SLC4A4: variants seen among roughly 807,000 people sequenced by gnomAD.
The protein encoded by SLC4A4 is solute carrier family 4 member 4, also known as electrogenic sodium bicarbonate cotransporter 1.
SLC4A4 carries 27 observed loss-of-function variants against 111.5 expected under a neutral mutation model. The observed-to-expected ratio is 0.24, with a 90% CI of 0.18 to 0.33. The LOEUF is 0.33. SLC4A4 is among the 10% of genes least tolerant of loss of function. The pLI is 1.00. For missense variants in SLC4A4, 909 were observed against 1,315.5 expected (o/e 0.69, Z 4.78); for synonymous variants, 443 against 463.4 (o/e 0.96, Z 0.57).
chr4:71,249,652 G>T (rs1720920128), intron 2 of SLC4A4, among the ~76,000 whole-genome samples: 1 of 152,122 alleles, frequency 6.6e-6, no homozygotes, highest in Non-Finnish European at 1.5e-5. Context: ...ACTTTGGGAG[G>T]CCGAAGTGAG....
intron 3 of SLC4A4, among the ~76,000 whole-genome samples, chr4:71,323,708 C>T (rs1288528978): frequency 6.6e-6 from 1 of 152,040 alleles, no homozygotes; most frequent in Non-Finnish European, 1.5e-5. Flanking sequence ...CAGGACAGCA[C>T]AATGTTCTGA....
At position 71,310,654 on chromosome 4, in the gene SLC4A4, G is replaced by A. The variant is rs139727627; in HGVS notation, c.254-28716G>A. 5.3e-3 allele frequency among the ~76,000 whole-genome samples: 813 copies of A among 152,250 alleles called. 8 individuals are homozygous for A. The highest frequency in any genetic ancestry group is 0.018 in the African/African-American group (737 of 41,532). On this transcript the variant is annotated intron_variant, in intron 3 of 25. Transcript: ENST00000264485. ...TGCTGAGGGATTTTGTCACCACCAG[G>A]CCTGCCTTACAGGAGCTCCTGAAGA...
rs1465278611 is a variant in SLC4A4, at chr4:71,567,798, A to G, written c.*47A>G. The stretch of plus-strand genomic sequence containing the variant: ...TTCCTTTTTCTCTAGTCCTCCTAGA[A>G]CTCCAGTAAAAGTTGTGCCTCAAAT... On this transcript the variant is annotated 3_prime_UTR_variant, in exon 26 of 26. Transcript: ENST00000264485. 1.3e-6 allele frequency: 2 copies of G among 1,509,916 alleles called. No homozygotes were observed. The highest frequency in any genetic ancestry group is 1.4e-5 in the African/African-American group (1 of 71,262). The allele number at this position is 1,509,916 out of a possible 1,614,324, so 93.5% of individuals were successfully genotyped here.
upstream of SLC4A4, among the ~76,000 whole-genome samples, chr4:71,182,970 C>T (rs918872758): frequency 7.2e-5 from 11 of 152,106 alleles, no homozygotes; most frequent in African/African-American, 2.7e-4. Flanking sequence ...GAGGAAGGGG[C>T]TGAAACATTG....
intron 2 of SLC4A4, among the ~76,000 whole-genome samples, chr4:71,094,947 G>A (rs1742500217): frequency 6.6e-6 from 1 of 151,974 alleles, no homozygotes. Flanking sequence ...TAATTAATTA[G>A]GTGTACTTTT....
intron 16 of SLC4A4, among the ~76,000 whole-genome samples, chr4:71,498,356 T>G (rs923961662): frequency 1.3e-5 from 2 of 152,128 alleles, no homozygotes; most frequent in Admixed American, 6.6e-5. Context: ...GGCATTTTGG[T>G]TTTTTGCCTG....
chr4:71,221,703 C>A (rs1262566835), intron 1 of SLC4A4, among the ~76,000 whole-genome samples: 3 of 152,140 alleles, frequency 2.0e-5, no homozygotes, highest in African/African-American at 4.8e-5. Flanking sequence ...GAGTCATGAA[C>A]TTTGGAGCTA....
intron 2 of SLC4A4, among the ~76,000 whole-genome samples, chr4:71,131,733 G>A (rs1743712818): frequency 6.6e-6 from 1 of 152,162 alleles, no homozygotes; most frequent in Non-Finnish European, 1.5e-5. Flanking sequence ...GGTAAAACAT[G>A]CTGGCTCTGG....
chr4:71,198,699 G>C (rs1036767381), intron 1 of SLC4A4, among the ~76,000 whole-genome samples: 1 of 152,182 alleles, frequency 6.6e-6, no homozygotes, highest in African/African-American at 2.4e-5. Flanking sequence ...GGTGCCTCAT[G>C]CCTGTAATCC....
At chr4:71,177,322 A>AT (rs1471655657) in intron 2 of SLC4A4, among the ~76,000 whole-genome samples, 1 of 152,222 alleles carries the variant, frequency 6.6e-6, no homozygotes, top group East Asian at 1.9e-4. Flanking sequence ...AAATTCATGC[A>AT]TAACAATATT....
intron 1 of SLC4A4, among the ~76,000 whole-genome samples, chr4:71,195,301 A>G (rs1333254129): frequency 1.5e-5 from 2 of 135,460 alleles, no homozygotes; most frequent in Non-Finnish European, 3.0e-5. Flanking sequence ...TCATTTAAGT[A>G]TAGCTGTTCT....
intron 1 of SLC4A4, among the ~76,000 whole-genome samples, chr4:71,066,897 G>A (rs1560701846): frequency 1.3e-5 from 2 of 152,136 alleles, no homozygotes; most frequent in Non-Finnish European, 2.9e-5. Context: ...TGCTGGGAGG[G>A]AGCTTAGTGG....
chr4:71,557,957 C>A, intron 22 of SLC4A4, 72 bp downstream of exon 22: 1 of 1,346,150 alleles, frequency 7.4e-7, no homozygotes, highest in Non-Finnish European at 1.1e-6. Context: ...ATATGGAAGA[C>A]ACACATGTCT....
intron 18 of SLC4A4, among the ~76,000 whole-genome samples, chr4:71,534,845 A>G (rs1179025433): frequency 2.6e-5 from 4 of 152,112 alleles, no homozygotes; most frequent in Non-Finnish European, 5.9e-5. Flanking sequence ...TTGTCTTCAC[A>G]TACTTGTGTC....
intron 1 of SLC4A4, among the ~76,000 whole-genome samples, chr4:71,075,138 G>A (rs982344930): frequency 6.6e-5 from 10 of 152,128 alleles, no homozygotes; most frequent in Non-Finnish European, 5.9e-5. Flanking sequence ...GAAAATAGGA[G>A]GTTACTGCAT....
chr4:71,069,873 A>T, intron 1 of SLC4A4, among the ~76,000 whole-genome samples: 2 of 152,164 alleles, frequency 1.3e-5, no homozygotes, highest in East Asian at 3.9e-4. Flanking sequence ...TAATTTTCTT[A>T]ATGAATAAAA....
intron 2 of SLC4A4, among the ~76,000 whole-genome samples, chr4:71,177,906 C>CA (rs1745150437): frequency 6.6e-6 from 1 of 152,118 alleles, no homozygotes; most frequent in Non-Finnish European, 1.5e-5. Flanking sequence ...ACACTTATTT[C>CA]AAAACTGACC....
chr4:71,313,089 A>G (rs924717251), intron 3 of SLC4A4, among the ~76,000 whole-genome samples: 4 of 152,274 alleles, frequency 2.6e-5, no homozygotes, highest in Non-Finnish European at 5.9e-5. Flanking sequence ...GTCTCAGGAT[A>G]CAAAATCAAT....
chr4:71,551,181 A>C (rs1020750524), intron 20 of SLC4A4, among the ~76,000 whole-genome samples: 1 of 151,960 alleles, frequency 6.6e-6, no homozygotes, highest in Non-Finnish European at 1.5e-5. Flanking sequence ...AAGTCTGAAG[A>C]AATAAAAATC....
Sources: allele counts gnomAD v4.1 joint callset (sites outside exome capture counted in the v4.1 genomes callset), GRCh38; gene constraint gnomAD v4.1.1; transcripts MANE v1.5; gene names NCBI Gene and HGNC (gene_info 2026-07-23, HGNC 2026-07-21).